The following LRRC37A2 variants were observed in gnomAD, a reference collection of about 807,000 sequenced individuals.
The protein encoded by LRRC37A2 is leucine-rich repeat-containing protein 37A2.
A neutral mutation model predicts 68.8 loss-of-function variants in LRRC37A2; 9 were observed. The ratio of observed to expected loss-of-function variants is 0.13; its 90% confidence interval spans 0.08 to 0.23. The LOEUF is 0.23. Among genes scored for constraint, LRRC37A2 ranks in the 10% least tolerant of loss-of-function variants. LRRC37A2 has a pLI of 1.00. For synonymous variants in LRRC37A2, 63 were observed against 367.6 expected (o/e 0.17, Z 9.48); for missense variants, 168 against 950.4 (o/e 0.18, Z 10.82).
the LRRC37A2 span, among the ~76,000 whole-genome samples, chr17:46,893,673 C>T: frequency 6.6e-6 from 1 of 152,066 alleles, no homozygotes; most frequent in Non-Finnish European, 1.5e-5. Context: ...GATGTAAGAA[C>T]AGCCATTGAG....
the LRRC37A2 span, among the ~76,000 whole-genome samples, chr17:46,687,595 G>A: frequency 6.6e-6 from 1 of 150,778 alleles, no homozygotes; most frequent in Non-Finnish European, 1.5e-5. Flanking sequence ...CCTCATTTAT[G>A]TACCATTATT....
chr17:46,887,765 AAAAGAAAGAAAG>A, the LRRC37A2 span, among the ~76,000 whole-genome samples: 693 of 150,834 alleles, frequency 4.6e-3, 3 homozygotes, highest in Non-Finnish European at 7.1e-3. Flanking sequence ...CTCCCTGTCC[AAAAGAAAGAAAG>A]AAAGAAAGAA....
chr17:46,743,937 C>T, the LRRC37A2 span, among the ~76,000 whole-genome samples: 2 of 152,298 alleles, frequency 1.3e-5, no homozygotes, highest in South Asian at 4.2e-4. Context: ...GGTGCTCTGT[C>T]TCAGCTGCTT....
the LRRC37A2 span, among the ~76,000 whole-genome samples, chr17:46,780,415 C>T: frequency 1.3e-5 from 2 of 152,328 alleles, no homozygotes; most frequent in South Asian, 4.1e-4. Flanking sequence ...AAAAGAGGGC[C>T]CTGTCCCTCA....
At chr17:46,945,240 A>G in the LRRC37A2 span, among the ~76,000 whole-genome samples, 3 of 152,160 alleles carry the variant, frequency 2.0e-5, no homozygotes, top group Non-Finnish European at 4.4e-5. Flanking sequence ...CTTCTGCACG[A>G]CATCCTCCAC....
At chr17:46,762,572 C>T in the LRRC37A2 span, 1 of 150,592 alleles carries the variant, frequency 6.6e-6, no homozygotes, top group Non-Finnish European at 1.5e-5. Context: ...AATATATTTT[C>T]TCCAAATATA....
At chr17:46,937,741 G>T in the LRRC37A2 span, 1 of 152,124 alleles carries the variant, frequency 6.6e-6, no homozygotes, top group Admixed American at 6.5e-5. Flanking sequence ...CATTCATATT[G>T]TTACCTATTT....
the LRRC37A2 span, among the ~76,000 whole-genome samples, chr17:46,456,210 ATGTGTG>A: frequency 2.6e-3 from 237 of 90,706 alleles, 8 homozygotes; most frequent in Admixed American, 5.1e-3. Context: ...TCCATGGGAT[ATGTGTG>A]TGTGTGTGTG....
intron 7 of LRRC37A2, among the ~76,000 whole-genome samples, 163 bp from the exon 7 acceptor site, chr17:46,540,644 T>C (rs2055149726): frequency 6.9e-6 from 1 of 145,042 alleles, no homozygotes; most frequent in South Asian, 2.1e-4. Context: ...ATTAATTTGA[T>C]GATGCAAATC....
the LRRC37A2 span, among the ~76,000 whole-genome samples, chr17:46,424,753 CTTTT>C: frequency 8.9e-6 from 1 of 112,848 alleles, no homozygotes; most frequent in Non-Finnish European, 2.1e-5. Context: ...TTAGGATAAA[CTTTT>C]TTTAATGTGA....
chr17:46,890,597 C>T, the LRRC37A2 span, among the ~76,000 whole-genome samples: 35 of 152,348 alleles, frequency 2.3e-4, no homozygotes, highest in Admixed American at 9.8e-4. Context: ...AACTGAGAGA[C>T]TCCTGGCAAA....
chr17:46,979,275 T>G, the LRRC37A2 span: 47 of 277,174 alleles, frequency 1.7e-4, no homozygotes, highest in East Asian at 2.7e-4. Context: ...GCCCGCTGGG[T>G]TCCTCGCGCG....
the LRRC37A2 span, among the ~76,000 whole-genome samples, chr17:46,902,124 T>C: frequency 2.0e-5 from 3 of 152,314 alleles, no homozygotes; most frequent in East Asian, 5.8e-4. Context: ...TCTTTACCAC[T>C]GGGATTCCTT....
At chr17:46,762,421 A>G in the LRRC37A2 span, 1 of 152,162 alleles carries the variant, frequency 6.6e-6, no homozygotes, top group African/African-American at 2.4e-5. Context: ...TCATTTAATT[A>G]GCTGAGGCCA....
chr17:46,727,808 A>G, the LRRC37A2 span, among the ~76,000 whole-genome samples: 1 of 152,316 alleles, frequency 6.6e-6, no homozygotes, highest in East Asian at 1.9e-4. Context: ...CCCTCTGAGT[A>G]CATTTCACTG....
chr17:46,531,968 G>T (rs2053700814), intron 6 of LRRC37A2, among the ~76,000 whole-genome samples: 1 of 146,426 alleles, frequency 6.8e-6, no homozygotes, highest in African/African-American at 2.7e-5. Context: ...GACATATTTT[G>T]CATCAATTCT....
the LRRC37A2 span, among the ~76,000 whole-genome samples, chr17:46,810,225 C>T: frequency 6.6e-6 from 1 of 152,060 alleles, no homozygotes; most frequent in Admixed American, 6.5e-5. Context: ...CCAAGCAGGC[C>T]TCAAACTCCT....
chr17:46,954,874 C>G, the LRRC37A2 span, among the ~76,000 whole-genome samples: 2 of 152,178 alleles, frequency 1.3e-5, no homozygotes, highest in Non-Finnish European at 2.9e-5. Flanking sequence ...ATTTTGTATC[C>G]TGAGACTTTG....
the LRRC37A2 span, chr17:46,763,345 G>GT: frequency 3.9e-5 from 6 of 152,174 alleles, no homozygotes; most frequent in African/African-American, 1.4e-4. Context: ...GAACTCAGCC[G>GT]TGAGATGCTT....
Sources: gnomAD v4.1 joint callset for allele counts (sites outside exome capture counted in the v4.1 genomes callset) on GRCh38, gnomAD v4.1.1 for gene constraint, MANE v1.5 for transcripts, NCBI Gene and HGNC (gene_info 2026-07-23, HGNC 2026-07-21) for gene names.